The following NRG3 variants were observed in gnomAD, a reference collection of about 807,000 sequenced individuals.
NRG3 encodes the protein neuregulin 3.
Under a neutral mutation model 66.9 loss-of-function variants are expected in NRG3, and 31 were observed. The ratio of observed to expected loss-of-function variants is 0.46; its 90% CI spans 0.35 to 0.63. The LOEUF is 0.63. NRG3 is among the 20% of genes least tolerant of loss of function. The pLI, the probability that NRG3 is intolerant of heterozygous loss-of-function variation, is 0.00. For missense variants in NRG3, 910 were observed against 878.9 expected (o/e 1.04, Z -0.45); for synonymous variants, 393 against 359.4 (o/e 1.09, Z -1.06).
intron 1 of NRG3, among the ~76,000 whole-genome samples, chr10:82,016,608 A>G (rs1483369946): frequency 6.6e-6 from 1 of 152,168 alleles, no homozygotes; most frequent in African/African-American, 2.4e-5. Context: ...TTTATGTTTC[A>G]GCAAGATGAT....
intron 2 of NRG3, among the ~76,000 whole-genome samples, chr10:82,422,107 G>T (rs1266173750): frequency 6.6e-6 from 1 of 152,022 alleles, no homozygotes; most frequent in African/African-American, 2.4e-5. Context: ...TCCATTGATT[G>T]TGCAGATTTC....
intron 1 of NRG3, chr10:81,877,980 CAA>C (rs1251385864): frequency 1.3e-6 from 2 of 1,537,694 alleles, no homozygotes; most frequent in Non-Finnish European, 1.7e-6. Context: ...GGTATACCTC[CAA>C]CCCTTGTATG....
chr10:82,145,524 C>T (rs1016657920), intron 1 of NRG3, among the ~76,000 whole-genome samples: 6 of 152,134 alleles, frequency 3.9e-5, no homozygotes, highest in African/African-American at 1.4e-4. Flanking sequence ...GTGTGATGGC[C>T]TCAACATCAT....
At chr10:82,548,566 C>T (rs901970793) in intron 2 of NRG3, among the ~76,000 whole-genome samples, 4 of 150,986 alleles carry the variant, frequency 2.6e-5, no homozygotes, top group Admixed American at 6.6e-5. Flanking sequence ...CACACGCACA[C>T]GCACAATCCA....
intron 1 of NRG3, among the ~76,000 whole-genome samples, chr10:82,168,181 G>A (rs987355): frequency 0.022 from 3,276 of 152,078 alleles, 120 homozygotes; most frequent in African/African-American, 0.075. Flanking sequence ...TTCTTTCTAT[G>A]GTAGTACCTG....
intron 4 of NRG3, among the ~76,000 whole-genome samples, chr10:82,868,547 A>G (rs993181119): frequency 2.0e-5 from 3 of 152,318 alleles, no homozygotes; most frequent in East Asian, 3.9e-4. Flanking sequence ...CAGCTAAAAA[A>G]GGATTGTTTG....
chr10:82,418,531 A>C (rs1330991166), intron 2 of NRG3, among the ~76,000 whole-genome samples: 14 of 151,882 alleles, frequency 9.2e-5, no homozygotes, highest in Admixed American at 9.2e-4. Context: ...TTTGCAGATT[A>C]ATGTCCTTGG....
At chr10:82,742,928 C>T (rs1018418452) in intron 3 of NRG3, among the ~76,000 whole-genome samples, 2 of 152,094 alleles carry the variant, frequency 1.3e-5, no homozygotes, top group Non-Finnish European at 2.9e-5. Context: ...TGAGCACATG[C>T]CAGGCTGAGT....
At chr10:82,238,923 T>TAC (rs1288458553) in intron 1 of NRG3, among the ~76,000 whole-genome samples, 6 of 148,056 alleles carry the variant, frequency 4.1e-5, no homozygotes, top group African/African-American at 9.8e-5. Flanking sequence ...TATATATATA[T>TAC]ATATAATATT....
chr10:82,440,108 C>T (rs2090354774), intron 2 of NRG3, among the ~76,000 whole-genome samples: 1 of 151,844 alleles, frequency 6.6e-6, no homozygotes. Context: ...GATTATGTTT[C>T]CCATCTTTTC....
rs564930922 is a variant in NRG3, at chr10:82,502,984, T to G, written c.953+144116T>G. 5.4e-4 allele frequency among the ~76,000 whole-genome samples: 82 copies of G among 152,316 alleles called. 1 individual carries two copies. The highest frequency in any genetic ancestry group is 2.7e-3 in the Admixed American group (41 of 15,296). ...TTCCAATTTGATTTGTCTGATATGTTGTGAAGAGTATATGACTAAATGATT... is the reference window on the plus strand; with the variant it reads ...TTCCAATTTGATTTGTCTGATATGTGGTGAAGAGTATATGACTAAATGATT... On this transcript the variant is annotated intron_variant, in intron 2 of 8. Coordinates refer to ENST00000372141, the MANE Select transcript of NRG3 (RefSeq NM_001010848.4).
chr10:82,236,005 G>GAC (rs562666772), intron 1 of NRG3, among the ~76,000 whole-genome samples: 1 of 151,156 alleles, frequency 6.6e-6, no homozygotes, highest in South Asian at 2.1e-4. Flanking sequence ...CACAGACACA[G>GAC]ACACACACAC....
chr10:82,086,001 C>A (rs901503951), intron 1 of NRG3, among the ~76,000 whole-genome samples: 2 of 152,074 alleles, frequency 1.3e-5, no homozygotes, highest in Non-Finnish European at 2.9e-5. Flanking sequence ...AAATATTCAA[C>A]AAATGACCTT....
chr10:82,968,897 G>T (rs1285053548), intron 6 of NRG3, among the ~76,000 whole-genome samples: 2 of 152,222 alleles, frequency 1.3e-5, no homozygotes, highest in Non-Finnish European at 2.9e-5. Flanking sequence ...CATAATCATG[G>T]TGGAAGGTGG....
chr10:81,933,281 C>T (rs1036549626), intron 1 of NRG3, among the ~76,000 whole-genome samples: 3 of 151,952 alleles, frequency 2.0e-5, no homozygotes, highest in Admixed American at 6.6e-5. Context: ...TTCAGATCCA[C>T]GATCTTATCT....
chr10:82,886,398 G>C (rs1842725877), intron 4 of NRG3, among the ~76,000 whole-genome samples: 1 of 152,158 alleles, frequency 6.6e-6, no homozygotes, highest in Non-Finnish European at 1.5e-5. Context: ...ACAGGAAGAG[G>C]AATGTATTTT....
intron 1 of NRG3, among the ~76,000 whole-genome samples, chr10:82,258,212 T>A (rs939743643): frequency 3.9e-5 from 6 of 152,242 alleles, no homozygotes; most frequent in Non-Finnish European, 8.8e-5. Context: ...TCAATTATAT[T>A]GGTCATGAAT....
chr10:82,087,383 T>A (rs2065788567), intron 1 of NRG3, among the ~76,000 whole-genome samples: 1 of 152,120 alleles, frequency 6.6e-6, no homozygotes, highest in Admixed American at 6.6e-5. Flanking sequence ...ATCTGCTGAT[T>A]TATCATCTTC....
intron 1 of NRG3, among the ~76,000 whole-genome samples, chr10:82,013,373 A>C (rs1046478775): frequency 6.6e-5 from 10 of 152,286 alleles, no homozygotes; most frequent in Non-Finnish European, 1.3e-4. Context: ...ATTCAAAGTG[A>C]GATTTGGGTG....
Sources: allele counts gnomAD v4.1 joint callset (sites outside exome capture counted in the v4.1 genomes callset), GRCh38; gene constraint gnomAD v4.1.1; transcripts MANE v1.5; gene names NCBI Gene and HGNC (gene_info 2026-07-23, HGNC 2026-07-21).